The following EDNRB variants were observed in gnomAD, a reference collection of about 807,000 sequenced individuals.
EDNRB encodes the protein endothelin receptor type B, also known as Hirschsprung disease 2.
In EDNRB, 18 loss-of-function variants were observed where a neutral mutation model predicts 46.4. The ratio of observed to expected loss-of-function variants is 0.39; its 90% CI spans 0.27 to 0.57. The LOEUF (loss-of-function observed/expected upper bound fraction) is 0.57, where lower values mean the gene tolerates loss of function less well. Among genes scored for constraint, EDNRB ranks in the 20% least tolerant of loss-of-function variants. The pLI is 0.61. For missense variants in EDNRB, 434 were observed against 537.5 expected (o/e 0.81, Z 1.90); for synonymous variants, 213 against 204.9 (o/e 1.04, Z -0.34).
chr13:77,937,202 A>G (rs1048654848), intron 1 of EDNRB, among the ~76,000 whole-genome samples: 1 of 152,198 alleles, frequency 6.6e-6, no homozygotes, highest in Admixed American at 6.5e-5. Context: ...GCTTGTCAGA[A>G]TTAACAGGTT....
chr13:77,973,109 A>G (rs1881784555), intron 1 of EDNRB, among the ~76,000 whole-genome samples: 1 of 152,204 alleles, frequency 6.6e-6, no homozygotes, highest in South Asian at 2.1e-4. Flanking sequence ...AATTTTTAAG[A>G]AATTGACCAT....
rs1040505584 is a variant in EDNRB, at chr13:77,900,796, A to G, written c.952-142T>C. 6 of 1,302,476 alleles carry G rather than the reference A, an allele frequency of 4.6e-6. 1 individual carries two copies. In the South Asian group the frequency reaches 7.7e-5, roughly 17 times the overall value. 80.7% of individuals were successfully genotyped at this position (1,302,476 alleles called of 1,614,324 possible). A position where few individuals can be genotyped will look rare whatever the true frequency, so the allele number is the denominator to read the frequency against. On this transcript the variant is annotated intron_variant, in intron 4 of 6. Transcript: ENST00000646607. ...CAGGACACTGAGCTTTATATGGAAT[A>G]GTTAATGTGAAGTGGAACCGAAGTG...
chr13:77,935,851 G>A (rs866143217), intron 1 of EDNRB, among the ~76,000 whole-genome samples: 6 of 152,314 alleles, frequency 3.9e-5, no homozygotes, highest in Middle Eastern at 6.8e-3. Context: ...GGGAGGTATT[G>A]AGAATAGGAG....
intron 1 of EDNRB, among the ~76,000 whole-genome samples, chr13:77,915,211 C>G (rs1430667267): frequency 6.6e-6 from 1 of 152,072 alleles, no homozygotes; most frequent in Non-Finnish European, 1.5e-5. Context: ...TTAACTGGTC[C>G]TGGATTTGAT....
At chr13:77,945,785 A>T (rs1271949167) in intron 1 of EDNRB, among the ~76,000 whole-genome samples, 1 of 151,234 alleles carries the variant, frequency 6.6e-6, no homozygotes, top group Non-Finnish European at 1.5e-5. Flanking sequence ...TTAATATAAA[A>T]CCTCACACTA....
intron 1 of EDNRB, among the ~76,000 whole-genome samples, chr13:77,972,234 C>A (rs766980599): frequency 6.6e-6 from 1 of 152,164 alleles, no homozygotes; most frequent in Admixed American, 6.5e-5. Context: ...TGGAGGACCA[C>A]CTTAATAGAA....
At chr13:77,942,701 C>T (rs1295028661) in intron 1 of EDNRB, among the ~76,000 whole-genome samples, 2 of 152,030 alleles carry the variant, frequency 1.3e-5, no homozygotes, top group Non-Finnish European at 2.9e-5. Context: ...GATAAAACTA[C>T]ATAATTTATA....
chr13:77,919,476 C>T, upstream of EDNRB: 3 of 1,612,818 alleles, frequency 1.9e-6, no homozygotes, highest in African/African-American at 1.3e-5. Flanking sequence ...TGGGTTCCAG[C>T]CTGCTCTGGG....
intron 1 of EDNRB, among the ~76,000 whole-genome samples, chr13:77,962,157 A>G (rs1487262633): frequency 6.6e-6 from 1 of 152,096 alleles, no homozygotes; most frequent in African/African-American, 2.4e-5. Flanking sequence ...CAACCAAAAA[A>G]CGTCCAGGAC....
upstream of EDNRB, among the ~76,000 whole-genome samples, chr13:77,921,857 T>C (rs868692418): frequency 6.6e-6 from 1 of 152,216 alleles, no homozygotes; most frequent in African/African-American, 2.4e-5. Context: ...AGGAGTGTCT[T>C]AAAGTGCAGA....
At chr13:77,906,649 G>A (rs1168978461) in intron 1 of EDNRB, among the ~76,000 whole-genome samples, 1 of 151,998 alleles carries the variant, frequency 6.6e-6, no homozygotes, top group East Asian at 1.9e-4. Context: ...AATTTGCCAC[G>A]TCTGTGAATA....
intron 1 of EDNRB, among the ~76,000 whole-genome samples, chr13:77,954,341 G>A (rs1237481646): frequency 6.6e-6 from 1 of 151,844 alleles, no homozygotes; most frequent in Non-Finnish European, 1.5e-5. Context: ...TATACCATTG[G>A]CTATTTTAGA....
Position 77,898,034 on chromosome 13 carries a change from TA to T in EDNRB, c.*165del. 7.0e-7 allele frequency: 1 copy of T among 1,423,984 alleles called. No homozygotes were observed. The highest frequency in any genetic ancestry group is 9.2e-7 in the Non-Finnish European group (1 of 1,092,048). 88.2% of individuals were successfully genotyped at this position (1,423,984 alleles called of 1,614,324 possible). A position where few individuals can be genotyped will look rare whatever the true frequency, so the allele number is the denominator to read the frequency against. ...TTCTTTCCATGCCGTAAACAGCTCA[TA>T]AAATGTCATATGTAGCTGTGAGTGT... is the stretch of plus-strand genomic sequence containing the variant. On this transcript the variant is annotated 3_prime_UTR_variant, in exon 7 of 7. Coordinates refer to ENST00000646607, the MANE Select transcript of EDNRB (RefSeq NM_001122659.3).
At chr13:77,953,006 A>G (rs1881135440) in intron 1 of EDNRB, among the ~76,000 whole-genome samples, 3 of 152,218 alleles carry the variant, frequency 2.0e-5, no homozygotes, top group Non-Finnish European at 2.9e-5. Flanking sequence ...AACCAAATGC[A>G]TCTCAAGACA....
chr13:77,900,845 T>C (rs1464099561), intron 4 of EDNRB, among the ~76,000 whole-genome samples, 191 bp from the exon 5 acceptor site: 1 of 151,944 alleles, frequency 6.6e-6, no homozygotes, highest in East Asian at 1.9e-4. Flanking sequence ...CTTTAAAAAG[T>C]TCTGATTCTC....
intron 1 of EDNRB, among the ~76,000 whole-genome samples, chr13:77,934,153 G>A (rs1247212627): frequency 6.6e-6 from 1 of 152,206 alleles, no homozygotes; most frequent in African/African-American, 2.4e-5. Context: ...ATGCGTAGTT[G>A]AGAACGGTCA....
At chr13:77,969,563 ATTAT>A (rs1336617427) in intron 1 of EDNRB, among the ~76,000 whole-genome samples, 1 of 152,198 alleles carries the variant, frequency 6.6e-6, no homozygotes, top group Non-Finnish European at 1.5e-5. Flanking sequence ...ATTGTGCTTC[ATTAT>A]TTATCACACT....
intron 1 of EDNRB, among the ~76,000 whole-genome samples, chr13:77,959,751 G>T (rs928995876): frequency 6.6e-6 from 1 of 152,194 alleles, no homozygotes; most frequent in South Asian, 2.1e-4. Flanking sequence ...AGCTAAAGGA[G>T]GAAGTTCGAA....
intron 1 of EDNRB, among the ~76,000 whole-genome samples, chr13:77,914,916 T>C (rs1242303210): frequency 6.6e-6 from 1 of 152,202 alleles, no homozygotes; most frequent in Non-Finnish European, 1.5e-5. Flanking sequence ...CACATTGACA[T>C]TTCTGGGCCT....
Sources: allele counts gnomAD v4.1 joint callset (sites outside exome capture counted in the v4.1 genomes callset), GRCh38; gene constraint gnomAD v4.1.1; transcripts MANE v1.5; gene names NCBI Gene and HGNC (gene_info 2026-07-23, HGNC 2026-07-21).